Variants in NNT observed in about 807,000 individuals in gnomAD.
NNT encodes the protein NAD(P) transhydrogenase, mitochondrial.
In NNT, 50 loss-of-function variants were observed where a neutral mutation model predicts 104.8. The ratio of observed to expected loss-of-function variants is 0.48; its 90% CI spans 0.38 to 0.60. The LOEUF (loss-of-function observed/expected upper bound fraction) is 0.60, where lower values mean the gene tolerates loss of function less well. Among genes scored for constraint, NNT ranks in the 20% least tolerant of loss-of-function variants. The pLI, the probability that NNT is intolerant of heterozygous loss-of-function variation, is 0.00. For missense variants in NNT, 1,131 were observed against 1,330.7 expected (o/e 0.85, Z 2.33); for synonymous variants, 461 against 490.4 (o/e 0.94, Z 0.79).
chr5:43,669,008 G>T (rs1447033686), intron 17 of NNT, among the ~76,000 whole-genome samples: 6 of 152,126 alleles, frequency 3.9e-5, no homozygotes, highest in South Asian at 2.1e-4. Flanking sequence ...CCCTTGTAAG[G>T]TGGATTCCTA....
chr5:43,618,186 A>T (rs1179392176), intron 4 of NNT, among the ~76,000 whole-genome samples: 1 of 152,192 alleles, frequency 6.6e-6, no homozygotes, highest in Non-Finnish European at 1.5e-5. Context: ...CTTAATATTC[A>T]CTGAGCATTT....
chr5:43,642,669 C>A (rs1751300321), intron 7 of NNT, among the ~76,000 whole-genome samples: 1 of 152,140 alleles, frequency 6.6e-6, no homozygotes, highest in Admixed American at 6.5e-5. Flanking sequence ...TTAGAAAAAG[C>A]ACTTCACCCA....
In NNT at chr5:43,660,611, T is replaced by A. The variant is rs113254360; in HGVS notation, c.2634+1261T>A. Among the ~76,000 whole-genome samples the A allele has an allele frequency of 9.2e-3, 1,401 of 152,282 alleles. 14 individuals carry two copies. Among genetic ancestry groups the A allele is most frequent in the African/African-American group, 0.032 (1,311 of 41,536 alleles). ...AATTTATGAAGTAAAGAGGTTTAAT[T>A]GACTCACAGCTCCACAGGCTTAACA... On this transcript the variant is annotated intron_variant, in intron 17 of 21. Transcript: ENST00000344920.
chr5:43,618,941 C>T (rs1348618712), intron 4 of NNT, 91 bp from the exon 5 acceptor site: 1 of 728,168 alleles, frequency 1.4e-6, no homozygotes, highest in Non-Finnish European at 2.0e-6. Flanking sequence ...TATTCTTTGA[C>T]AAAACTTCAT....
chr5:43,688,534 C>G (rs975963540), intron 19 of NNT, among the ~76,000 whole-genome samples: 2 of 152,082 alleles, frequency 1.3e-5, no homozygotes, highest in Non-Finnish European at 2.9e-5. Flanking sequence ...ACACTGTACC[C>G]AATGTGTACT....
At chr5:43,670,666 T>A (rs1170487330) in intron 17 of NNT, among the ~76,000 whole-genome samples, 1 of 152,244 alleles carries the variant, frequency 6.6e-6, no homozygotes, top group East Asian at 1.9e-4. Flanking sequence ...ATAATTTCTG[T>A]TCTTTTACAT....
intron 7 of NNT, among the ~76,000 whole-genome samples, chr5:43,638,084 T>C (rs1300008674): frequency 6.6e-6 from 1 of 152,152 alleles, no homozygotes; most frequent in Non-Finnish European, 1.5e-5. Flanking sequence ...TCTCATGAGA[T>C]CTGATGGTTT....
chr5:43,623,924 G>A lies in NNT; in HGVS notation c.688-108G>A, dbSNP rs73751785. On this transcript the variant is annotated intron_variant, in intron 5 of 21. Transcript: ENST00000344920. ...GATCATCATTATCACCATCTGCACC[G>A]CCATTTATTGATGCTAAACTTATAC... is the stretch of plus-strand genomic sequence containing the variant. 5.8e-3 allele frequency: 5,764 copies of A among 992,190 alleles called. 121 individuals are homozygous for A. The highest frequency in any genetic ancestry group is 0.054 in the African/African-American group (3,374 of 63,016). 61.5% of individuals were successfully genotyped at this position (992,190 alleles called of 1,614,324 possible).
chr5:43,621,196 T>C (rs1031117705), intron 5 of NNT, among the ~76,000 whole-genome samples: 2 of 152,252 alleles, frequency 1.3e-5, no homozygotes, highest in Non-Finnish European at 2.9e-5. Context: ...CAGGACGGTT[T>C]TGAATGCGGC....
chr5:43,654,141 T>C (rs1242610642), intron 14 of NNT, among the ~76,000 whole-genome samples: 2 of 152,230 alleles, frequency 1.3e-5, no homozygotes, highest in Non-Finnish European at 2.9e-5. Flanking sequence ...CTTATGTCTA[T>C]TGTATGTGTA....
intron 17 of NNT, among the ~76,000 whole-genome samples, chr5:43,664,886 G>A (rs1034702848): frequency 9.2e-5 from 14 of 152,226 alleles, no homozygotes; most frequent in Middle Eastern, 3.2e-3. Flanking sequence ...TAATGGTGAT[G>A]TAATTGTGGA....
chr5:43,661,872 T>G (rs35738789), intron 17 of NNT, among the ~76,000 whole-genome samples: 4 of 152,008 alleles, frequency 2.6e-5, no homozygotes, highest in Non-Finnish European at 5.9e-5. Context: ...AATAAACATA[T>G]GTGTGCATGT....
chr5:43,661,389 TTTTATTTATTTATTTA>T (rs372098953), intron 17 of NNT, among the ~76,000 whole-genome samples: 1 of 151,086 alleles, frequency 6.6e-6, no homozygotes, highest in Admixed American at 6.6e-5. Flanking sequence ...AGAAAGTGGC[TTTTATTTATTTATTTA>T]TTTATTTATT....
At chr5:43,682,036 G>A (rs1489832471) in intron 19 of NNT, among the ~76,000 whole-genome samples, 1 of 151,848 alleles carries the variant, frequency 6.6e-6, no homozygotes, top group East Asian at 1.9e-4. Context: ...TATTTTTTAT[G>A]TACTGTCTAA....
At position 43,690,910 on chromosome 5, in the gene NNT, C is replaced by T. The variant is rs919272122; in HGVS notation, c.2877-9209C>T. On this transcript the variant is annotated intron_variant, in intron 19 of 21. Transcript: ENST00000344920. ...TTTGTTTTAAATTGTTAACAAAAAGCTTTTTTTTAGTAAAAAAGATTTTAA... is the reference window on the plus strand; with the variant it reads ...TTTGTTTTAAATTGTTAACAAAAAGTTTTTTTTTAGTAAAAAAGATTTTAA... Among the ~76,000 whole-genome samples the T allele has an allele frequency of 3.3e-5, 5 of 152,044 alleles. No homozygotes were observed. In the South Asian group the frequency reaches 6.2e-4, roughly 19 times the overall value.
intron 17 of NNT, among the ~76,000 whole-genome samples, chr5:43,672,750 C>G (rs1741188569): frequency 6.6e-6 from 1 of 152,242 alleles, no homozygotes; most frequent in Non-Finnish European, 1.5e-5. Context: ...CTTGAGGAGG[C>G]AGTCTGTCCG....
intron 17 of NNT, among the ~76,000 whole-genome samples, chr5:43,665,584 A>C (rs1358174272): frequency 6.6e-6 from 1 of 152,250 alleles, no homozygotes; most frequent in Non-Finnish European, 1.5e-5. Context: ...CCCAAGGCAG[A>C]AGAATTTTTC....
At chr5:43,675,751 A>G (rs1395880274) in intron 18 of NNT, 81 bp downstream of exon 18, 1 of 1,089,444 alleles carries the variant, frequency 9.2e-7, no homozygotes, top group African/African-American at 1.6e-5. Context: ...ATAGGAAAGT[A>G]GAATTGAAAC....
At chr5:43,626,854 CAT>C (rs1014511014) in intron 6 of NNT, among the ~76,000 whole-genome samples, 1 of 150,708 alleles carries the variant, frequency 6.6e-6, no homozygotes, top group African/African-American at 2.4e-5. Context: ...CATATACACA[CAT>C]ATATGTATGT....
Sources: allele counts gnomAD v4.1 joint callset (sites outside exome capture counted in the v4.1 genomes callset), GRCh38; gene constraint gnomAD v4.1.1; transcripts MANE v1.5; gene names NCBI Gene and HGNC (gene_info 2026-07-23, HGNC 2026-07-21).